The following TSPAN13 variants were observed in gnomAD, a reference collection of about 807,000 sequenced individuals.
The protein encoded by TSPAN13 is tetraspanin-13.
Under a neutral mutation model 26.9 loss-of-function variants are expected in TSPAN13, and 18 were observed. The ratio of observed to expected loss-of-function variants is 0.67; its 90% CI spans 0.46 to 0.99. TSPAN13 has a LOEUF of 0.99. TSPAN13 is among the 50% of genes least tolerant of loss of function. The pLI, the probability that TSPAN13 is intolerant of heterozygous loss-of-function variation, is 0.00. For synonymous variants in TSPAN13, 116 were observed against 98.4 expected, an observed-to-expected ratio of 1.18 and a Z score of -1.06; for missense variants, 201 against 249.6, an observed-to-expected ratio of 0.81 and a Z score of 1.31.
chr7:16,754,602 CT>C (rs916672632), intron 1 of TSPAN13, among the ~76,000 whole-genome samples: 5 of 152,172 alleles, frequency 3.3e-5, no homozygotes, highest in African/African-American at 1.2e-4. Flanking sequence ...AAAGGGATGT[CT>C]TTTTGTTTTT....
rs3807500 is a variant in TSPAN13, at chr7:16,784,530, C to T, written c.*1039C>T. The T allele has an allele frequency of 9.9e-5, 15 of 152,082 alleles. No homozygotes were observed. The East Asian group carries it at 1.2e-3, about 12-fold the overall frequency. The allele number at this position is 152,082 out of a possible 1,614,324, so 9.4% of individuals were successfully genotyped here. On this transcript the variant is annotated 3_prime_UTR_variant, in exon 6 of 6. Coordinates refer to ENST00000262067, the MANE Select transcript of TSPAN13 (RefSeq NM_014399.4). ...AAAAGAAAGTAATGGAAGAATTGAT[C>T]GATGAATTAAGTGAGGTGGAATTCT...
chr7:16,782,352 T>C (rs1237077954), intron 5 of TSPAN13, among the ~76,000 whole-genome samples: 1 of 140,004 alleles, frequency 7.1e-6, no homozygotes, highest in African/African-American at 3.2e-5. Context: ...CTTACCTAAC[T>C]CTCTAGAAGT....
At chr7:16,767,292 TG>T (rs1784615930) in intron 1 of TSPAN13, among the ~76,000 whole-genome samples, 1 of 152,194 alleles carries the variant, frequency 6.6e-6, no homozygotes, top group African/African-American at 2.4e-5. Flanking sequence ...CATATAGTAT[TG>T]TTTTTTGTGT....
intron 1 of TSPAN13, among the ~76,000 whole-genome samples, chr7:16,767,536 G>A (rs1784620018): frequency 6.6e-6 from 1 of 152,136 alleles, no homozygotes; most frequent in Non-Finnish European, 1.5e-5. Flanking sequence ...ATCTAGTTGG[G>A]TACATAGGTG....
chr7:16,766,313 A>T (rs1784602506), intron 1 of TSPAN13, among the ~76,000 whole-genome samples: 1 of 152,250 alleles, frequency 6.6e-6, no homozygotes, highest in South Asian at 2.1e-4. Flanking sequence ...TTGCTGTAAT[A>T]AGTGCAAAAT....
rs79886239 is a variant in TSPAN13, at chr7:16,765,552, T to A, written c.64-10659T>A. ...GAGAAATGCCAGTTTTAGACACTTT[T>A]TATGACCAGTTTTATGGTCTTGCTT... On this transcript the variant is annotated intron_variant, in intron 1 of 5. Coordinates refer to ENST00000262067, the MANE Select transcript of TSPAN13 (RefSeq NM_014399.4). Among the ~76,000 whole-genome samples, 4 of 152,254 alleles carry A rather than the reference T, an allele frequency of 2.6e-5. No individual in the cohort carries two copies. The East Asian group carries it at 7.7e-4, about 29-fold the overall frequency.
At chr7:16,766,517 T>A (rs1045151525) in intron 1 of TSPAN13, among the ~76,000 whole-genome samples, 1 of 152,248 alleles carries the variant, frequency 6.6e-6, no homozygotes. Flanking sequence ...GCATTGCCTT[T>A]TGTTACAAAC....
rs1388458898 is a variant in TSPAN13, at chr7:16,783,844, A to T, written c.*353A>T. On this transcript the variant is annotated 3_prime_UTR_variant, in exon 6 of 6. Transcript: ENST00000262067. ...ATCTGAACGTACATCTCACTGGTAT[A>T]ATTATATGTAGCACTGTGCTGTGTA... 3.9e-6 allele frequency: 1 copy of T among 257,414 alleles called. No homozygotes were observed. The highest frequency in any genetic ancestry group is 4.8e-5 in the Admixed American group (1 of 20,824). The allele number at this position is 257,414 out of a possible 1,614,324, so 15.9% of individuals were successfully genotyped here. A position where few individuals can be genotyped will look rare whatever the true frequency, so the allele number is the denominator to read the frequency against.
At chr7:16,757,983 G>A (rs1046710104) in intron 1 of TSPAN13, among the ~76,000 whole-genome samples, 5 of 152,020 alleles carry the variant, frequency 3.3e-5, no homozygotes, top group South Asian at 2.1e-4. Flanking sequence ...ACAGGTGCCC[G>A]CCACCATGTC....
intron 1 of TSPAN13, among the ~76,000 whole-genome samples, chr7:16,767,206 T>G (rs1262688728): frequency 1.3e-5 from 2 of 152,236 alleles, no homozygotes; most frequent in Non-Finnish European, 2.9e-5. Flanking sequence ...GTCACTGTTC[T>G]GAAATCAAGA....
At chr7:16,758,034 C>T (rs1001807073) in intron 1 of TSPAN13, among the ~76,000 whole-genome samples, 8 of 152,060 alleles carry the variant, frequency 5.3e-5, no homozygotes, top group South Asian at 4.1e-4. Context: ...GGGGTTTCGC[C>T]GTGTTGGCCA....
At chr7:16,780,817 T>A (rs1376023462) in intron 5 of TSPAN13, among the ~76,000 whole-genome samples, 1 of 152,214 alleles carries the variant, frequency 6.6e-6, no homozygotes, top group African/African-American at 2.4e-5. Context: ...ATAGAACTCA[T>A]GAGTCTTAGA....
intron 1 of TSPAN13, 46 bp downstream of exon 1, chr7:16,754,076 T>G (rs1562514881): frequency 6.3e-7 from 1 of 1,591,210 alleles, no homozygotes; most frequent in African/African-American, 1.3e-5. Flanking sequence ...GCTTTGCACC[T>G]GCTTGGGAGC....
chr7:16,754,156 C>G, intron 1 of TSPAN13, 126 bp downstream of exon 1: 1 of 754,480 alleles, frequency 1.3e-6, no homozygotes, highest in Non-Finnish European at 2.1e-6. Flanking sequence ...CTTCCCACGT[C>G]TGCGCGCCCC....
At chr7:16,757,864 ACT>A (rs759008157) in intron 1 of TSPAN13, among the ~76,000 whole-genome samples, 5 of 151,850 alleles carry the variant, frequency 3.3e-5, no homozygotes, top group Non-Finnish European at 4.4e-5. Context: ...ATGGAGTTTC[ACT>A]CTCGTTGCCC....
chr7:16,778,448 G>C (rs957733128), intron 4 of TSPAN13, among the ~76,000 whole-genome samples: 2 of 152,174 alleles, frequency 1.3e-5, no homozygotes, highest in Non-Finnish European at 2.9e-5. Context: ...GGCTTGGCTG[G>C]GTCCTTTGCT....
At chr7:16,776,100 G>C (rs561877022) in intron 1 of TSPAN13, 111 bp from the exon 2 acceptor site, 113 of 971,370 alleles carry the variant, frequency 1.2e-4, no homozygotes, top group Non-Finnish European at 1.6e-4. Context: ...TTATTTGTAA[G>C]AGACTACGTA....
chr7:16,769,188 A>C (rs1234091219), intron 1 of TSPAN13, among the ~76,000 whole-genome samples: 1 of 152,166 alleles, frequency 6.6e-6, no homozygotes, highest in Non-Finnish European at 1.5e-5. Context: ...AAATTTTTAA[A>C]ATCTATTTAA....
intron 1 of TSPAN13, among the ~76,000 whole-genome samples, chr7:16,758,237 T>G (rs907464249): frequency 3.9e-5 from 6 of 152,178 alleles, no homozygotes; most frequent in Non-Finnish European, 5.9e-5. Flanking sequence ...AAATTCTGTT[T>G]TTAATCTGTT....
Sources: allele counts gnomAD v4.1 joint callset (sites outside exome capture counted in the v4.1 genomes callset), GRCh38; gene constraint gnomAD v4.1.1; transcripts MANE v1.5; gene names NCBI Gene and HGNC (gene_info 2026-07-23, HGNC 2026-07-21).